The following WNT5B variants were observed in gnomAD, a reference collection of about 807,000 sequenced individuals.
WNT5B encodes the protein Wnt family member 5B.
In WNT5B, 18 loss-of-function variants were observed where a neutral mutation model predicts 36.5. The observed-to-expected ratio is 0.49, with a 90% CI of 0.34 to 0.73. The LOEUF is 0.73. Ranked by LOEUF, WNT5B falls within the 30% of genes least tolerant of loss-of-function variation. The pLI is 0.01. For synonymous variants in WNT5B, 213 were observed against 212.3 expected (o/e 1.00, Z -0.03); for missense variants, 424 against 508.4 (o/e 0.83, Z 1.60).
At position 1,630,193 on chromosome 12, in the gene WNT5B, A is replaced by G; in HGVS notation, c.-58+822A>G. The G allele has an allele frequency of 1.0e-6, 1 of 985,268 alleles. No individual in the cohort carries two copies. The highest frequency in any genetic ancestry group is 1.2e-6 in the Non-Finnish European group (1 of 829,888). The allele number at this position is 985,268 out of a possible 1,614,324, so 61.0% of individuals were successfully genotyped here. On this transcript the variant is annotated intron_variant, in intron 1 of 4. Coordinates refer to ENST00000397196, the MANE Select transcript of WNT5B (RefSeq NM_032642.3). This position sits in a 1 kb window ranked among gnomAD's most constrained non-coding sequence, Gnocchi z 5.3. ...GGACGCCGACGCGCGAGAGTGGCGC[A>G]GTGAGCCGGGGCGCGCGGGGCTGCG... is the stretch of plus-strand genomic sequence containing the variant.
chr12:1,638,362 T>C (rs1322789988), intron 3 of WNT5B, among the ~76,000 whole-genome samples: 1 of 152,218 alleles, frequency 6.6e-6, no homozygotes, highest in Admixed American at 6.5e-5. Flanking sequence ...CTGTGTCATA[T>C]GGGAACTCTA....
At chr12:1,625,965 T>G (rs2094540321), upstream of WNT5B, among the ~76,000 whole-genome samples, 1 of 149,770 alleles carries the variant, frequency 6.7e-6, no homozygotes, top group Admixed American at 6.7e-5. Context: ...ACCCTGCCTG[T>G]TTTTTTTCTC....
rs934719978 is a variant in WNT5B at position 1,618,905 on chromosome 12, A to G, written c.-58+1762A>G. Among the ~76,000 whole-genome samples, 6 of 152,164 alleles carry G rather than the reference A, an allele frequency of 3.9e-5. No homozygotes were observed. Among genetic ancestry groups the G allele is most frequent in the Non-Finnish European group, 5.9e-5 (4 of 68,022 alleles). On this transcript the variant is annotated intron_variant, in intron 1 of 4. Coordinates refer to the WNT5B transcript ENST00000310594. The surrounding 1 kb of genome is among the most constrained non-coding windows in gnomAD (Gnocchi z 4.1). Reference sequence around the variant, plus strand: ...TGGAAGCTCTATTCTCTGGAACATCAGGCATTAGATTTTAGTGTGAAGGCC... The same window carrying G: ...TGGAAGCTCTATTCTCTGGAACATCGGGCATTAGATTTTAGTGTGAAGGCC...
At chr12:1,630,000 C>A (rs901970043) in intron 1 of WNT5B, 1 of 490,932 alleles carries the variant, frequency 2.0e-6, no homozygotes, top group Non-Finnish European at 2.7e-6. Context: ...TGCCCCCGCC[C>A]CAGCCGAGGC....
chr12:1,619,924 A>G lies in WNT5B; in HGVS notation c.-58+2781A>G, dbSNP rs140399324. On this transcript the variant is annotated intron_variant, in intron 1 of 4. Transcript: ENST00000310594. ...TTGAGTATGAGGATCTTCTTTTTTA[A>G]GTCAAAAAATAAAAATAAAAAAGGT... Among the ~76,000 whole-genome samples, 379 of 152,288 alleles carry G rather than the reference A, an allele frequency of 2.5e-3. 2 individuals are homozygous for G. Among genetic ancestry groups the G allele is most frequent in the African/African-American group, 8.6e-3 (356 of 41,542 alleles).
intron 1 of WNT5B, 30 bp downstream of exon 1, chr12:1,629,401 T>C (rs1823764461): frequency 6.6e-6 from 1 of 152,594 alleles, no homozygotes; most frequent in South Asian, 2.1e-4. Context: ...GGGACAAGTG[T>C]CACAGGCGGG....
intron 3 of WNT5B, among the ~76,000 whole-genome samples, chr12:1,634,478 G>A (rs1453939411): frequency 6.6e-6 from 1 of 152,150 alleles, no homozygotes; most frequent in Non-Finnish European, 1.5e-5. Flanking sequence ...GAAAGAAAGG[G>A]GTTGGCAGGA....
chr12:1,645,890 A>G lies in WNT5B; in HGVS notation c.718A>G (p.Lys240Glu), dbSNP rs1451628857. Residue 240 changes from lysine to glutamate, a missense_variant, in exon 5 of 5, where the codon AAG becomes GAG. Transcript: ENST00000397196. ...TCWLQLAEFRKVGDRLKEKYD... is the reference protein window; with the variant it reads ...TCWLQLAEFREVGDRLKEKYD... ...CTGGCTGCAGCTGGCCGAGTTCCGC[A>G]AGGTCGGGGACCGGCTGAAGGAGAA... The G allele has an allele frequency of 6.2e-7, 1 of 1,611,220 alleles. No individual in the cohort carries two copies. Among genetic ancestry groups the G allele is most frequent in the Non-Finnish European group, 8.5e-7 (1 of 1,179,548 alleles).
At position 1,645,878 on chromosome 12, in the gene WNT5B, G is replaced by A. The variant is rs371734267; in HGVS notation, c.706G>A (p.Ala236Thr). 13 of 1,611,460 alleles carry A rather than the reference G, an allele frequency of 8.1e-6. No homozygotes were observed. Among genetic ancestry groups the A allele is most frequent in the Non-Finnish European group, 1.1e-5 (13 of 1,179,480 alleles). ...CCTCAAGACCTGCTGGCTGCAGCTG[G>A]CCGAGTTCCGCAAGGTCGGGGACCG... ...CSLKTCWLQLAEFRKVGDRLK... is the reference protein window; with the variant it reads ...CSLKTCWLQLTEFRKVGDRLK... The change falls in exon 5 of 5, where the codon GCC (alanine) becomes ACC (threonine). Residue 236 changes from alanine (A) to threonine (T), a missense_variant. Physicochemically the swap from Ala to Thr is moderately conservative, Grantham distance 58 (BLOSUM62 0). Coordinates refer to ENST00000397196, the MANE Select transcript of WNT5B (RefSeq NM_032642.3).
chr12:1,622,971 A>G (rs1392953033), intron 1 of WNT5B, among the ~76,000 whole-genome samples: 1 of 152,120 alleles, frequency 6.6e-6, no homozygotes, highest in Non-Finnish European at 1.5e-5. Flanking sequence ...CAGAGAGAGG[A>G]GAAACCATTC....
In WNT5B at chr12:1,643,623, C is replaced by A. The variant is rs562372592; in HGVS notation, c.622-2171C>A. Among the ~76,000 whole-genome samples, 3 of 151,122 alleles carry A rather than the reference C, an allele frequency of 2.0e-5. No individual in the cohort carries two copies. In the South Asian group the frequency reaches 6.3e-4, roughly 32 times the overall value. ...TCAGGTGATCCGCCCGCCTTGGCCT[C>A]CTAAAGTGCTGGGATTACAGGCATA... is the stretch of plus-strand genomic sequence containing the variant. On this transcript the variant is annotated intron_variant, in intron 4 of 4. Transcript: ENST00000397196.
intron 3 of WNT5B, among the ~76,000 whole-genome samples, chr12:1,636,497 C>CTATATATA (rs56095993): frequency 1.2e-5 from 1 of 81,102 alleles, no homozygotes; most frequent in African/African-American, 4.6e-5. Context: ...GTGTTGCAGT[C>CTATATATA]TATATATATA....
intron 1 of WNT5B, among the ~76,000 whole-genome samples, chr12:1,623,023 T>A (rs1268787901): frequency 2.0e-5 from 3 of 151,728 alleles, no homozygotes; most frequent in East Asian, 3.9e-4. Flanking sequence ...CAGGATGGGT[T>A]TGGGTAAGGA....
chr12:1,631,220 TCTC>T, intron 1 of WNT5B, 75 bp from the exon 2 acceptor site: 1 of 1,379,376 alleles, frequency 7.2e-7, no homozygotes, highest in East Asian at 2.3e-5. Flanking sequence ...AGTGCAACTT[TCTC>T]CGCCTCACCC....
At chr12:1,621,500 G>A (rs1349797330) in intron 1 of WNT5B, among the ~76,000 whole-genome samples, 1 of 151,936 alleles carries the variant, frequency 6.6e-6, no homozygotes, top group Non-Finnish European at 1.5e-5. Flanking sequence ...AGTTTTCCTG[G>A]GTAATTGATG....
chr12:1,624,082 T>C (rs1405613687), intron 1 of WNT5B, among the ~76,000 whole-genome samples: 2 of 152,248 alleles, frequency 1.3e-5, no homozygotes, highest in East Asian at 3.9e-4. Context: ...AACAGGGCAA[T>C]GGTGCAACGA....
rs2094553187 is a variant in WNT5B, at chr12:1,632,697, T to A, written c.120T>A (p.Phe40Leu). The A allele has an allele frequency of 6.2e-7, 1 of 1,611,912 alleles. No homozygotes were observed. The highest frequency in any genetic ancestry group is 8.5e-7 in the Non-Finnish European group (1 of 1,178,242). ...ACCCGGTGCAGAGACCCGAGATGTT[T>A]ATCATCGGTGCCCAGCCCGTGTGCA... ...ALNPVQRPEM[F>L]IIGAQPVCSQ... The change falls in exon 3 of 5, where the codon TTT becomes TTA. Residue 40 changes from phenylalanine (F) to leucine (L), a missense_variant. Coordinates refer to ENST00000397196, the MANE Select transcript of WNT5B (RefSeq NM_032642.3). This position sits in a 1 kb window ranked among gnomAD's most constrained non-coding sequence, Gnocchi z 5.8.
At position 1,618,562 on chromosome 12, in the gene WNT5B, A is replaced by G. The variant is rs1183677483; in HGVS notation, c.-58+1419A>G. Reference sequence around the variant, plus strand: ...GTTCTCTTGAAACAATTCCTAAACCACACTGACCTGTGACCTATACACTTC... The same window carrying G: ...GTTCTCTTGAAACAATTCCTAAACCGCACTGACCTGTGACCTATACACTTC... On this transcript the variant is annotated intron_variant, in intron 1 of 4. Transcript: ENST00000310594. This position sits in a 1 kb window ranked among gnomAD's most constrained non-coding sequence, Gnocchi z 4.1. Among the ~76,000 whole-genome samples, 2 of 152,164 alleles carry G rather than the reference A, an allele frequency of 1.3e-5. No homozygotes were observed. The highest frequency in any genetic ancestry group is 2.9e-5 in the Non-Finnish European group (2 of 68,036).
In WNT5B at chr12:1,630,020, G is replaced by A. The variant is rs2094547314; in HGVS notation, c.-58+649G>A. ...CCGCCCCAGCCGAGGCTTCGAGAAG[G>A]AAAATCAAAAGGGGGCTTGGGGAAG... On this transcript the variant is annotated intron_variant, in intron 1 of 4. Transcript: ENST00000397196. This position sits in a 1 kb window ranked among gnomAD's most constrained non-coding sequence, Gnocchi z 5.3. 14 of 737,862 alleles carry A rather than the reference G, an allele frequency of 1.9e-5. No homozygotes were observed. The highest frequency in any genetic ancestry group is 2.3e-5 in the Non-Finnish European group (14 of 603,114). The allele number at this position is 737,862 out of a possible 1,614,324, so 45.7% of individuals were successfully genotyped here.
Sources: allele counts gnomAD v4.1 joint callset (sites outside exome capture counted in the v4.1 genomes callset), GRCh38; gene constraint gnomAD v4.1.1; non-coding constraint Gnocchi (gnomAD v3.1); transcripts MANE v1.5; gene names NCBI Gene and HGNC (gene_info 2026-07-23, HGNC 2026-07-21).